PCDH15: variants seen among roughly 807,000 people sequenced by gnomAD.
The protein encoded by PCDH15 is protocadherin-15.
PCDH15 carries 129 observed loss-of-function variants against 178.5 expected under a neutral mutation model. That is an observed-to-expected ratio of 0.72 (90% confidence interval 0.63 to 0.84). The LOEUF (loss-of-function observed/expected upper bound fraction) is 0.84. Ranked by LOEUF, PCDH15 falls within the 40% of genes least tolerant of loss-of-function variation. The pLI is 0.00. For synonymous variants in PCDH15, 800 were observed against 732.0 expected (o/e 1.09, Z -1.50); for missense variants, 2,230 against 2,099.9 (o/e 1.06, Z -1.21).
At chr10:54,141,897 GATT>G (rs1274029820) in intron 14 of PCDH15, among the ~76,000 whole-genome samples, 1 of 152,146 alleles carries the variant, frequency 6.6e-6, no homozygotes, top group Non-Finnish European at 1.5e-5. Context: ...GCTGAAGAGA[GATT>G]ATTATGTGGT....
chr10:54,750,443 GT>G (rs1398968582), intron 1 of PCDH15, among the ~76,000 whole-genome samples: 1 of 152,048 alleles, frequency 6.6e-6, no homozygotes, highest in Non-Finnish European at 1.5e-5. Flanking sequence ...TTAGGGCAAA[GT>G]TTTGGTAGTG....
rs532074378 is a variant in PCDH15 at position 54,856,996 on chromosome 10, A to C, written c.-29+40454T>G. Reference sequence around the variant, plus strand: ...AGTGAATATTTCCTTCTTATCCTTAAATCTGAAAAATGCTGACACAACCCT... The same window carrying C: ...AGTGAATATTTCCTTCTTATCCTTACATCTGAAAAATGCTGACACAACCCT... On this transcript the variant is annotated intron_variant, in intron 3 of 5. Coordinates refer to the PCDH15 transcript ENST00000458638. Among the ~76,000 whole-genome samples, 9 of 152,174 alleles carry C rather than the reference A, an allele frequency of 5.9e-5. No homozygotes were observed. In the East Asian group the frequency reaches 1.5e-3, roughly 26 times the overall value.
chr10:54,476,394 A>T (rs1166278158), intron 3 of PCDH15, among the ~76,000 whole-genome samples: 3 of 152,102 alleles, frequency 2.0e-5, no homozygotes. Context: ...TTAAGATAAC[A>T]TAATCATTTT....
intron 2 of PCDH15, among the ~76,000 whole-genome samples, chr10:54,919,712 A>C (rs1837435870): frequency 6.6e-6 from 1 of 152,148 alleles, no homozygotes. Context: ...ACTTGTCTAC[A>C]TTTCTCCTCT....
intron 1 of PCDH15, among the ~76,000 whole-genome samples, chr10:54,706,539 T>C (rs2095366490): frequency 6.6e-6 from 1 of 152,214 alleles, no homozygotes; most frequent in Non-Finnish European, 1.5e-5. Context: ...TTTCCTACTT[T>C]AAGTTTTACA....
chr10:54,353,739 C>A (rs561281967), intron 5 of PCDH15, among the ~76,000 whole-genome samples: 1 of 151,800 alleles, frequency 6.6e-6, no homozygotes, highest in South Asian at 2.1e-4. Flanking sequence ...GTTTTCATAC[C>A]TGTGTTAAAA....
chr10:54,194,907 T>A (rs2049445010), intron 11 of PCDH15, among the ~76,000 whole-genome samples: 1 of 152,170 alleles, frequency 6.6e-6, no homozygotes, highest in Non-Finnish European at 1.5e-5. Context: ...TCTCTCAGGC[T>A]TCATTCTCTC....
chr10:54,190,209 C>T (rs1170151909), intron 11 of PCDH15, among the ~76,000 whole-genome samples: 1 of 152,092 alleles, frequency 6.6e-6, no homozygotes, highest in Non-Finnish European at 1.5e-5. Context: ...CCCTTCTTGG[C>T]ATTTACCATC....
At chr10:54,171,878 G>A (rs945012311) in intron 13 of PCDH15, among the ~76,000 whole-genome samples, 22 of 150,046 alleles carry the variant, frequency 1.5e-4, no homozygotes, top group East Asian at 4.0e-4. Context: ...TTACCACAAG[G>A]CCTCCCTTCA....
intron 3 of PCDH15, among the ~76,000 whole-genome samples, chr10:54,380,551 C>T (rs1373183190): frequency 8.0e-6 from 1 of 124,360 alleles, no homozygotes. Context: ...AACTTATGTA[C>T]AATAGGCAGG....
intron 2 of PCDH15, among the ~76,000 whole-genome samples, chr10:55,473,335 A>T (rs762856333): frequency 2.1e-4 from 31 of 147,580 alleles, no homozygotes; most frequent in South Asian, 6.4e-4. Flanking sequence ...AGGGTATATA[A>T]AAAAAAAAAG....
At chr10:54,482,083 C>T (rs1419296396) in intron 3 of PCDH15, among the ~76,000 whole-genome samples, 1 of 151,794 alleles carries the variant, frequency 6.6e-6, no homozygotes, top group East Asian at 1.9e-4. Context: ...CATAGCATAG[C>T]TCGCTGAGAA....
At chr10:54,320,584 T>C (rs747315405) in intron 7 of PCDH15, among the ~76,000 whole-genome samples, 1,007 of 54,280 alleles carry the variant, frequency 0.019, 7 homozygotes, top group South Asian at 0.051. Context: ...ATATTTTAAA[T>C]TTTAAAAAAA....
chr10:55,161,540 C>G (rs1390993423), intron 2 of PCDH15, among the ~76,000 whole-genome samples: 1 of 152,042 alleles, frequency 6.6e-6, no homozygotes, highest in Non-Finnish European at 1.5e-5. Flanking sequence ...ACCCATACAG[C>G]CTGCAAAGCC....
At chr10:54,148,370 G>A (rs982989569) in intron 14 of PCDH15, among the ~76,000 whole-genome samples, 2 of 151,880 alleles carry the variant, frequency 1.3e-5, no homozygotes, top group African/African-American at 4.8e-5. Context: ...GACAGTATTT[G>A]TATATAATCT....
In PCDH15 at chr10:54,291,674, C is replaced by T. The variant is rs564754314; in HGVS notation, c.876+25597G>A. ...ATCCCACAGAAACACAAACTACCAC[C>T]AGAGAATAGTATAAATACCTCTATG... On this transcript the variant is annotated intron_variant, in intron 8 of 37. Transcript: ENST00000644397. Among the ~76,000 whole-genome samples the T allele has an allele frequency of 2.0e-5, 3 of 152,246 alleles. No individual in the cohort carries two copies. In the South Asian group the frequency reaches 6.2e-4, roughly 32 times the overall value.
intron 2 of PCDH15, among the ~76,000 whole-genome samples, chr10:55,432,472 G>A (rs1351577592): frequency 1.3e-5 from 2 of 152,108 alleles, no homozygotes; most frequent in Non-Finnish European, 2.9e-5. Context: ...GTTATTGGAA[G>A]GCAAGGATGA....
chr10:55,288,893 A>ATATATATAT (rs1842941658), intron 1 of PCDH15, among the ~76,000 whole-genome samples: 2 of 151,500 alleles, frequency 1.3e-5, no homozygotes, highest in African/African-American at 4.9e-5. Flanking sequence ...ATATATCTAG[A>ATATATATAT]ACTTGGATTG....
At chr10:55,568,237 G>T (rs1207733667) in intron 2 of PCDH15, among the ~76,000 whole-genome samples, 3 of 151,988 alleles carry the variant, frequency 2.0e-5, no homozygotes, top group Non-Finnish European at 4.4e-5. Flanking sequence ...TAAGAAGGGA[G>T]GAAATGCTAA....
Sources: gnomAD v4.1 joint callset for allele counts (sites outside exome capture counted in the v4.1 genomes callset) on GRCh38, gnomAD v4.1.1 for gene constraint, MANE v1.5 for transcripts, NCBI Gene and HGNC (gene_info 2026-07-23, HGNC 2026-07-21) for gene names.